The following PARD3B variants were observed in gnomAD, a reference collection of about 807,000 sequenced individuals.
PARD3B encodes the protein par-3 family cell polarity regulator beta, also known as partitioning defective 3 homolog B.
Under a neutral mutation model 130.2 loss-of-function variants are expected in PARD3B, and 103 were observed. That is an observed-to-expected ratio of 0.79 (90% CI 0.67 to 0.93). PARD3B has a LOEUF of 0.93. PARD3B is among the 40% of genes least tolerant of loss of function. The pLI is 0.00. For synonymous variants in PARD3B, 583 were observed against 553.2 expected (o/e 1.05, Z -0.76); for missense variants, 1,609 against 1,499.2 (o/e 1.07, Z -1.21).
chr2:204,749,471 A>C (rs1418218114), intron 2 of PARD3B, among the ~76,000 whole-genome samples: 1 of 152,206 alleles, frequency 6.6e-6, no homozygotes, highest in African/African-American at 2.4e-5. Flanking sequence ...ATGAGTAGGA[A>C]AATAGATGAC....
intron 2 of PARD3B, among the ~76,000 whole-genome samples, chr2:204,933,757 C>T (rs1413348066): frequency 1.3e-5 from 2 of 152,164 alleles, no homozygotes; most frequent in African/African-American, 4.8e-5. Context: ...TGCCTCTGTT[C>T]AGCATCTCAC....
At chr2:205,299,373 A>C (rs1265626923) in intron 16 of PARD3B, among the ~76,000 whole-genome samples, 1 of 151,980 alleles carries the variant, frequency 6.6e-6, no homozygotes, top group African/African-American at 2.4e-5. Context: ...CTTAATAGGT[A>C]CTCTTGTCTA....
rs549093632 is a variant in PARD3B at position 204,831,639 on chromosome 2, T to C, written c.223-133513T>C. Among the ~76,000 whole-genome samples, 105 of 152,270 alleles carry C rather than the reference T, an allele frequency of 6.9e-4. 1 individual carries two copies. The South Asian group carries it at 0.011, about 15-fold the overall frequency. ...AACCAGATCTATTGAATTTACTTGG[T>C]TTATTTTTGTATATATTTGGCATCT... On this transcript the variant is annotated intron_variant, in intron 2 of 22. Coordinates refer to ENST00000406610, the MANE Select transcript of PARD3B (RefSeq NM_001302769.2).
At chr2:204,583,644 A>G (rs1006125550) in intron 1 of PARD3B, among the ~76,000 whole-genome samples, 6 of 144,768 alleles carry the variant, frequency 4.1e-5, no homozygotes, top group South Asian at 2.2e-4. Context: ...AAAAAAAAAA[A>G]GCAACAGAGT....
intron 20 of PARD3B, among the ~76,000 whole-genome samples, chr2:205,472,054 C>CT (rs2048854623): frequency 6.6e-6 from 1 of 152,154 alleles, no homozygotes; most frequent in South Asian, 2.1e-4. Context: ...GCTGGGCTTC[C>CT]TTGTAGCCAA....
At chr2:204,829,948 G>A (rs539417646) in intron 2 of PARD3B, among the ~76,000 whole-genome samples, 4 of 140,452 alleles carry the variant, frequency 2.8e-5, no homozygotes, top group Non-Finnish European at 4.5e-5. Flanking sequence ...GCAGTGAGCC[G>A]AGATCGCGCC....
In PARD3B at chr2:205,105,928, T is replaced by G. The variant is rs1007192652; in HGVS notation, c.593+1414T>G. ...GAGGTAGACATAATGATTGTAATGC[T>G]CTTATTCTATTTGGCTTTAATTTCA... On this transcript the variant is annotated intron_variant, in intron 5 of 22. Coordinates refer to ENST00000406610, the MANE Select transcript of PARD3B (RefSeq NM_001302769.2). The surrounding 1 kb of genome is among the most constrained non-coding windows in gnomAD (Gnocchi z 4.0). Among the ~76,000 whole-genome samples the G allele has an allele frequency of 2.0e-5, 3 of 151,824 alleles. No homozygotes were observed. The highest frequency in any genetic ancestry group is 7.3e-5 in the African/African-American group (3 of 41,378).
chr2:205,375,493 C>G (rs560462903), intron 18 of PARD3B, among the ~76,000 whole-genome samples: 94 of 152,286 alleles, frequency 6.2e-4, no homozygotes, highest in Non-Finnish European at 9.6e-4. Context: ...AAGGTTTAAA[C>G]ACACACACAT....
chr2:204,970,091 T>C (rs1232409212), intron 3 of PARD3B, among the ~76,000 whole-genome samples: 1 of 152,042 alleles, frequency 6.6e-6, no homozygotes, highest in Non-Finnish European at 1.5e-5. Context: ...GTGAGGAAAA[T>C]TATTTTGAAG....
At chr2:204,998,255 A>G (rs972671669) in intron 3 of PARD3B, among the ~76,000 whole-genome samples, 5 of 143,514 alleles carry the variant, frequency 3.5e-5, no homozygotes, top group African/African-American at 5.1e-5. Context: ...CCACCATGGC[A>G]TGTGTATACC....
At position 205,324,004 on chromosome 2, in the gene PARD3B, C is replaced by G. The variant is rs1248560641; in HGVS notation, c.2630+22303C>G. ...TATCGTCAATGCTGAGGTCTTCTCT[C>G]TGCTGTCACAACTCAGACCAAGGAA... On this transcript the variant is annotated intron_variant, in intron 18 of 22. Coordinates refer to ENST00000406610, the MANE Select transcript of PARD3B (RefSeq NM_001302769.2). Among the ~76,000 whole-genome samples the G allele has an allele frequency of 2.6e-5, 4 of 152,178 alleles. No homozygotes were observed. The South Asian group carries it at 8.3e-4, about 32-fold the overall frequency.
At chr2:205,071,928 T>A (rs1700761507) in intron 4 of PARD3B, among the ~76,000 whole-genome samples, 1 of 152,182 alleles carries the variant, frequency 6.6e-6, no homozygotes, top group African/African-American at 2.4e-5. Context: ...TTAAGCAGAT[T>A]TAGCCACTTG....
At chr2:204,965,121 A>G in intron 2 of PARD3B, 31 bp from the exon 3 acceptor site, 1 of 1,604,676 alleles carries the variant, frequency 6.2e-7, no homozygotes, top group South Asian at 1.1e-5. Context: ...ATGTCCTACA[A>G]AGTAATTAGT....
intron 20 of PARD3B, among the ~76,000 whole-genome samples, chr2:205,484,727 T>C (rs13018932): frequency 0.17 from 26,037 of 151,982 alleles, 2,466 homozygotes; most frequent in African/African-American, 0.24. Flanking sequence ...CAGTATGATA[T>C]AAATAAAATG....
chr2:204,799,512 C>A lies in PARD3B; in HGVS notation c.222+113230C>A, dbSNP rs114197209. Among the ~76,000 whole-genome samples, 1 of 152,142 alleles carries A rather than the reference C, an allele frequency of 6.6e-6. No homozygotes were observed. The highest frequency in any genetic ancestry group is 1.5e-5 in the Non-Finnish European group (1 of 68,038). On this transcript the variant is annotated intron_variant, in intron 2 of 22. Coordinates refer to ENST00000406610, the MANE Select transcript of PARD3B (RefSeq NM_001302769.2). The surrounding 1 kb of genome is among the most constrained non-coding windows in gnomAD (Gnocchi z 4.1). ...TCTGCTCACTGAAGAGCCCTTGGGCCGTGAGTGAACATTCACAGCCAGACA... is the reference window on the plus strand; with the variant it reads ...TCTGCTCACTGAAGAGCCCTTGGGCAGTGAGTGAACATTCACAGCCAGACA...
rs1574413388 is a variant in PARD3B at position 205,215,375 on chromosome 2, G to A, written c.2140+22055G>A. Among the ~76,000 whole-genome samples the A allele has an allele frequency of 4.0e-5, 6 of 151,244 alleles. 1 individual carries two copies. In the South Asian group the frequency reaches 6.2e-4, roughly 16 times the overall value. The stretch of plus-strand genomic sequence containing the variant: ...ATTAAGAGACACTGCTTTAATAATC[G>A]CTCCCTATTATCCACATGTTCTTTG... On this transcript the variant is annotated intron_variant, in intron 15 of 22. Coordinates refer to ENST00000406610, the MANE Select transcript of PARD3B (RefSeq NM_001302769.2).
chr2:205,509,673 T>C (rs1312861552), intron 21 of PARD3B, among the ~76,000 whole-genome samples: 1 of 152,162 alleles, frequency 6.6e-6, no homozygotes, highest in Admixed American at 6.5e-5. Flanking sequence ...CAAACAGTAG[T>C]GTTAGAGCTA....
chr2:204,810,520 G>A (rs1474590441), intron 2 of PARD3B, among the ~76,000 whole-genome samples: 2 of 152,010 alleles, frequency 1.3e-5, no homozygotes, highest in Non-Finnish European at 2.9e-5. Context: ...GCATCATTGT[G>A]CATCTATTGT....
In PARD3B at chr2:204,677,705, G is replaced by A. The variant is rs1379851776; in HGVS notation, c.121-8476G>A. 6.6e-6 allele frequency among the ~76,000 whole-genome samples: 1 copy of A among 152,124 alleles called. No homozygotes were observed. Among genetic ancestry groups the A allele is most frequent in the Non-Finnish European group, 1.5e-5 (1 of 68,034 alleles). On this transcript the variant is annotated intron_variant, in intron 1 of 22. Transcript: ENST00000406610. This position sits in a 1 kb window ranked among gnomAD's most constrained non-coding sequence, Gnocchi z 4.1. ...TAAGATGGTAATAATAATATTTTTA[G>A]CAGACTCATCACTGTTGACTTGTTA...
Sources: gnomAD v4.1 joint callset for allele counts (sites outside exome capture counted in the v4.1 genomes callset) on GRCh38, gnomAD v4.1.1 for gene constraint, Gnocchi (gnomAD v3.1) non-coding constraint, MANE v1.5 for transcripts, NCBI Gene and HGNC (gene_info 2026-07-23, HGNC 2026-07-21) for gene names.